Variants in AGAP1 observed in about 807,000 individuals in gnomAD.
AGAP1 encodes the protein ArfGAP with GTPase domain, ankyrin repeat and PH domain 1.
Under a neutral mutation model 105.3 loss-of-function variants are expected in AGAP1, and 29 were observed. The ratio of observed to expected loss-of-function variants is 0.28; its 90% CI spans 0.21 to 0.38. The LOEUF (loss-of-function observed/expected upper bound fraction) is 0.38. AGAP1 is among the 10% of genes least tolerant of loss of function. AGAP1 has a pLI of 1.00. For missense variants in AGAP1, 998 were observed against 1,165.1 expected (o/e 0.86, Z 2.09); for synonymous variants, 509 against 485.9 (o/e 1.05, Z -0.63).
rs1207617902 is a variant in AGAP1 at position 235,691,093 on chromosome 2, G to A, written c.164-18086G>A. The stretch of plus-strand genomic sequence containing the variant: ...AGACAAGATTCTACCCCCTCCTCCA[G>A]ACTCTGCTCCCTAGGCCGAGGTGAG... On this transcript the variant is annotated intron_variant, in intron 1 of 17. Coordinates refer to ENST00000304032, the MANE Select transcript of AGAP1 (RefSeq NM_001037131.3). The surrounding 1 kb of genome is among the most constrained non-coding windows in gnomAD (Gnocchi z 4.4). 6.6e-6 allele frequency among the ~76,000 whole-genome samples: 1 copy of A among 152,144 alleles called. No individual in the cohort carries two copies. Among genetic ancestry groups the A allele is most frequent in the Non-Finnish European group, 1.5e-5 (1 of 68,030 alleles).
chr2:235,683,388 A>G (rs1010128038), intron 1 of AGAP1, among the ~76,000 whole-genome samples: 3 of 152,108 alleles, frequency 2.0e-5, no homozygotes, highest in East Asian at 1.9e-4. Context: ...TTGTTTTATT[A>G]AAAATGTACT....
At chr2:235,738,882 G>T (rs1257755409) in intron 3 of AGAP1, among the ~76,000 whole-genome samples, 1 of 152,106 alleles carries the variant, frequency 6.6e-6, no homozygotes, top group East Asian at 1.9e-4. Flanking sequence ...TCTTAAAACA[G>T]TCAAATTCAA....
chr2:235,605,652 T>G (rs1945906652), intron 1 of AGAP1, among the ~76,000 whole-genome samples: 1 of 152,224 alleles, frequency 6.6e-6, no homozygotes, highest in East Asian at 1.9e-4. Context: ...ACAGAAAAAT[T>G]TAAGCATTTT....
rs916193819 is a variant in AGAP1, at chr2:236,058,980, C to T, written c.2114+9699C>T. ...AGGATTTCAAGGCTGCAGTGGGCCA[C>T]AATCGCACCACCACTTTCCAGCCTG... On this transcript the variant is annotated intron_variant, in intron 16 of 17. Coordinates refer to ENST00000304032, the MANE Select transcript of AGAP1 (RefSeq NM_001037131.3). This position sits in a 1 kb window ranked among gnomAD's most constrained non-coding sequence, Gnocchi z 4.6. Among the ~76,000 whole-genome samples the T allele has an allele frequency of 2.0e-5, 3 of 152,088 alleles. No homozygotes were observed. Among genetic ancestry groups the T allele is most frequent in the African/African-American group, 7.2e-5 (3 of 41,398 alleles).
rs2106418347 is a variant in AGAP1 at position 235,845,659 on chromosome 2, T to C, written c.1051-37686T>C. Among the ~76,000 whole-genome samples the C allele has an allele frequency of 6.6e-6, 1 of 152,036 alleles. No homozygotes were observed. The highest frequency in any genetic ancestry group is 1.9e-4 in the East Asian group (1 of 5,168). On this transcript the variant is annotated intron_variant, in intron 9 of 17. Transcript: ENST00000304032. This position sits in a 1 kb window ranked among gnomAD's most constrained non-coding sequence, Gnocchi z 4.8. ...GTGTATGTTTTCTGGTATAATCTGCTTGTCTTTGCCTCTCGGTGACATCCA... is the reference window on the plus strand; with the variant it reads ...GTGTATGTTTTCTGGTATAATCTGCCTGTCTTTGCCTCTCGGTGACATCCA...
At chr2:235,697,280 G>A (rs1950042114) in intron 1 of AGAP1, among the ~76,000 whole-genome samples, 1 of 152,234 alleles carries the variant, frequency 6.6e-6, no homozygotes, top group Non-Finnish European at 1.5e-5. Context: ...GGCGTTCCAT[G>A]TAGAGCATGG....
chr2:236,053,761 A>C lies in AGAP1; in HGVS notation c.2114+4480A>C, dbSNP rs1243531115. ...GCCTGCTGATTTGGGCCAGGAAATC[A>C]AAGGAACCTGGAAGTGGAGAATAGT... On this transcript the variant is annotated intron_variant, in intron 16 of 17. Coordinates refer to ENST00000304032, the MANE Select transcript of AGAP1 (RefSeq NM_001037131.3). The surrounding 1 kb of genome is among the most constrained non-coding windows in gnomAD (Gnocchi z 4.6). Among the ~76,000 whole-genome samples, 2 of 152,252 alleles carry C rather than the reference A, an allele frequency of 1.3e-5. No homozygotes were observed. Among genetic ancestry groups the C allele is most frequent in the Non-Finnish European group, 2.9e-5 (2 of 68,040 alleles).
At chr2:235,948,478 C>CTT (rs2053595566) in intron 12 of AGAP1, among the ~76,000 whole-genome samples, 1 of 152,180 alleles carries the variant, frequency 6.6e-6, no homozygotes, top group Non-Finnish European at 1.5e-5. Context: ...TGAGCCACTG[C>CTT]GCCTGGCCTA....
rs1005069454 is a variant in AGAP1 at position 236,027,813 on chromosome 2, C to T, written c.1646-8748C>T. 4.6e-5 allele frequency among the ~76,000 whole-genome samples: 7 copies of T among 152,096 alleles called. No homozygotes were observed. Among genetic ancestry groups the T allele is most frequent in the African/African-American group, 1.4e-4 (6 of 41,420 alleles). Reference sequence around the variant, plus strand: ...GTGAACTGCTACTCACAGGGAAAAGCGTGGCGTTTAGACCTGCCCTGTGAT... The same window carrying T: ...GTGAACTGCTACTCACAGGGAAAAGTGTGGCGTTTAGACCTGCCCTGTGAT... On this transcript the variant is annotated intron_variant, in intron 13 of 17. Transcript: ENST00000304032. This position sits in a 1 kb window ranked among gnomAD's most constrained non-coding sequence, Gnocchi z 4.4.
At chr2:235,781,379 G>T (rs555579244) in intron 6 of AGAP1, among the ~76,000 whole-genome samples, 2 of 152,144 alleles carry the variant, frequency 1.3e-5, no homozygotes, top group African/African-American at 4.8e-5. Context: ...CTTAAGTAGG[G>T]CAGTTTAAAT....
At chr2:235,704,185 C>T (rs1429249212) in intron 1 of AGAP1, among the ~76,000 whole-genome samples, 1 of 152,226 alleles carries the variant, frequency 6.6e-6, no homozygotes, top group Non-Finnish European at 1.5e-5. Flanking sequence ...GGAGTTTAGC[C>T]TCAGTAACTG....
At chr2:235,892,791 C>G (rs1575713219) in intron 10 of AGAP1, among the ~76,000 whole-genome samples, 1 of 152,140 alleles carries the variant, frequency 6.6e-6, no homozygotes, top group African/African-American at 2.4e-5. Context: ...CGTGAACATT[C>G]ATTTACACTC....
At chr2:236,037,380 A>G (rs936387506) in intron 14 of AGAP1, 1 of 152,088 alleles carries the variant, frequency 6.6e-6, no homozygotes, top group Non-Finnish European at 1.5e-5. Flanking sequence ...TTAGCTAGAA[A>G]AGGAAAAATA....
intron 1 of AGAP1, among the ~76,000 whole-genome samples, chr2:235,595,055 G>T (rs1045240140): frequency 6.6e-6 from 1 of 152,148 alleles, no homozygotes; most frequent in Non-Finnish European, 1.5e-5. Flanking sequence ...GGTGAGGCGG[G>T]TGTGGCGCCA....
At position 235,842,193 on chromosome 2, in the gene AGAP1, A is replaced by C. The variant is rs1960941673; in HGVS notation, c.1050+34862A>C. ...AGCACAGACTCCGTGCTCTGGAGCA[A>C]GAGTTCTTCACTGTGGTTCTGTAGA... On this transcript the variant is annotated intron_variant, in intron 9 of 17. Transcript: ENST00000304032. This position sits in a 1 kb window ranked among gnomAD's most constrained non-coding sequence, Gnocchi z 5.3. Among the ~76,000 whole-genome samples the C allele has an allele frequency of 6.6e-6, 1 of 152,158 alleles. No homozygotes were observed. The highest frequency in any genetic ancestry group is 6.5e-5 in the Admixed American group (1 of 15,282).
At chr2:235,956,147 A>T (rs779821925) in intron 12 of AGAP1, among the ~76,000 whole-genome samples, 6 of 152,172 alleles carry the variant, frequency 3.9e-5, no homozygotes, top group Non-Finnish European at 5.9e-5. Flanking sequence ...TGAGCACCCA[A>T]CTTGAGAAAT....
At chr2:236,116,367 T>TTTTTTTTTTTTTTTTTA (rs1553578895) in intron 16 of AGAP1, among the ~76,000 whole-genome samples, 2 of 150,528 alleles carry the variant, frequency 1.3e-5, no homozygotes, top group Admixed American at 6.6e-5. Context: ...CTTTTTTTTT[T>TTTTTTTTTTTTTTTTTA]GAGAGAGAGT....
At chr2:235,502,165 G>T (rs186300228) in intron 1 of AGAP1, among the ~76,000 whole-genome samples, 284 of 152,196 alleles carry the variant, frequency 1.9e-3, no homozygotes, top group Non-Finnish European at 3.3e-3. Context: ...TGTCCGTGGG[G>T]TCCAGTCCCT....
At chr2:235,749,676 G>C (rs1953268236) in intron 5 of AGAP1, among the ~76,000 whole-genome samples, 1 of 152,136 alleles carries the variant, frequency 6.6e-6, no homozygotes, top group Admixed American at 6.5e-5. Context: ...TGCTGCAGGT[G>C]AGGGTTCCCT....
Sources: gnomAD v4.1 joint callset for allele counts (sites outside exome capture counted in the v4.1 genomes callset) on GRCh38, gnomAD v4.1.1 for gene constraint, Gnocchi (gnomAD v3.1) non-coding constraint, MANE v1.5 for transcripts, NCBI Gene and HGNC (gene_info 2026-07-23, HGNC 2026-07-21) for gene names.